The following ARL15 variants were observed in gnomAD, a reference collection of about 807,000 sequenced individuals.
ARL15 encodes ADP-ribosylation factor-like protein 15.
Under a neutral mutation model 25.2 loss-of-function variants are expected in ARL15, and 19 were observed. The ratio of observed to expected loss-of-function variants is 0.75; its 90% CI spans 0.53 to 1.10. ARL15 has a LOEUF of 1.10. ARL15 is among the 50% of genes least tolerant of loss of function. The pLI, the probability that ARL15 is intolerant of heterozygous loss-of-function variation, is 0.00. For synonymous variants in ARL15, 94 were observed against 86.8 expected (o/e 1.08, Z -0.46); for missense variants, 220 against 246.0 (o/e 0.89, Z 0.71).
chr5:54,006,051 C>CAAAAAAAA (rs56094450), intron 4 of ARL15, among the ~76,000 whole-genome samples: 1 of 57,564 alleles, frequency 1.7e-5, no homozygotes, highest in Non-Finnish European at 3.3e-5. Context: ...ATTACATCTC[C>CAAAAAAAA]AAAAAAAAAA....
intron 4 of ARL15, among the ~76,000 whole-genome samples, chr5:53,917,820 G>A (rs897004273): frequency 6.6e-6 from 1 of 151,602 alleles, no homozygotes; most frequent in African/African-American, 2.4e-5. Context: ...GGGGTAAAGG[G>A]GGCCCTTTTG....
chr5:54,038,066 A>G (rs57650556), intron 4 of ARL15, among the ~76,000 whole-genome samples: 15,431 of 152,154 alleles, frequency 0.1, 1,040 homozygotes, highest in African/African-American at 0.19. Flanking sequence ...AACTGTATAT[A>G]ACCTATGTAA....
At chr5:54,216,135 C>T (rs1212422267) in intron 1 of ARL15, among the ~76,000 whole-genome samples, 4 of 152,156 alleles carry the variant, frequency 2.6e-5, no homozygotes, top group East Asian at 1.9e-4. Flanking sequence ...CTTTACTTCT[C>T]GCAAATATTT....
rs182965300 is a variant in ARL15 at position 54,302,560 on chromosome 5, C to T, written c.48+7872G>A. On this transcript the variant is annotated intron_variant, in intron 1 of 4. Coordinates refer to ENST00000504924, the MANE Select transcript of ARL15 (RefSeq NM_019087.3). ...GTGATTAAGACGGTCAGGGAACCAG[C>T]AATGATGCAGGTTACAGACTCAGAT... Among the ~76,000 whole-genome samples the T allele has an allele frequency of 2.0e-5, 3 of 152,086 alleles. No individual in the cohort carries two copies. The East Asian group carries it at 5.8e-4, about 29-fold the overall frequency.
intron 4 of ARL15, among the ~76,000 whole-genome samples, chr5:53,915,707 A>G (rs1745620124): frequency 6.6e-6 from 1 of 152,226 alleles, no homozygotes; most frequent in Admixed American, 6.5e-5. Context: ...AGCGAAAGGA[A>G]GAAATGTAAA....
At chr5:53,956,424 T>C (rs1033406070) in intron 4 of ARL15, among the ~76,000 whole-genome samples, 2 of 149,390 alleles carry the variant, frequency 1.3e-5, no homozygotes, top group African/African-American at 2.4e-5. Context: ...AGAGGAAGTA[T>C]GGTCCATTCA....
chr5:54,124,253 AC>A (rs1249109472), intron 3 of ARL15, among the ~76,000 whole-genome samples: 1 of 152,146 alleles, frequency 6.6e-6, no homozygotes, highest in East Asian at 1.9e-4. Context: ...AGAAGATATC[AC>A]TCCTTTCATG....
chr5:54,060,672 T>C (rs927327892), intron 4 of ARL15, among the ~76,000 whole-genome samples: 6 of 152,312 alleles, frequency 3.9e-5, no homozygotes, highest in Middle Eastern at 3.4e-3. Flanking sequence ...AATAATACAG[T>C]ACATTGGTAC....
At chr5:54,225,298 C>A (rs1331811541) in intron 1 of ARL15, among the ~76,000 whole-genome samples, 1 of 152,092 alleles carries the variant, frequency 6.6e-6, no homozygotes, top group Non-Finnish European at 1.5e-5. Context: ...TGGGGACTAG[C>A]GGAGAGAAGC....
At chr5:53,978,637 G>GAAAAA (rs58627905) in intron 4 of ARL15, among the ~76,000 whole-genome samples, 1 of 125,880 alleles carries the variant, frequency 7.9e-6, no homozygotes, top group Non-Finnish European at 1.7e-5. Context: ...AAAAAAAAAA[G>GAAAAA]AAAAGAAAAG....
intron 1 of ARL15, among the ~76,000 whole-genome samples, chr5:54,274,229 ACTCAAC>A (rs1173295120): frequency 6.6e-6 from 1 of 152,108 alleles, no homozygotes; most frequent in Non-Finnish European, 1.5e-5. Flanking sequence ...GCTGGGTCAG[ACTCAAC>A]CAGAAGGGCC....
chr5:54,163,945 T>C (rs1254402403), intron 2 of ARL15, among the ~76,000 whole-genome samples: 1 of 152,054 alleles, frequency 6.6e-6, no homozygotes, highest in East Asian at 1.9e-4. Context: ...GTTTAATCCA[T>C]TTTTCTTCCA....
intron 4 of ARL15, among the ~76,000 whole-genome samples, chr5:53,993,605 T>G (rs1580150473): frequency 6.6e-6 from 1 of 152,206 alleles, no homozygotes; most frequent in East Asian, 1.9e-4. Flanking sequence ...CATGTTTACC[T>G]CATATTGCTT....
At chr5:53,920,284 A>T (rs186073718) in intron 4 of ARL15, among the ~76,000 whole-genome samples, 112 of 152,288 alleles carry the variant, frequency 7.4e-4, no homozygotes, top group Non-Finnish European at 1.4e-3. Flanking sequence ...AATTGAAGAC[A>T]TGATGATAGG....
intron 1 of ARL15, among the ~76,000 whole-genome samples, chr5:54,216,042 A>G (rs1272985365): frequency 6.6e-6 from 1 of 151,986 alleles, no homozygotes; most frequent in East Asian, 1.9e-4. Flanking sequence ...AACAAAGCCA[A>G]TTTTTTTTGT....
chr5:53,955,826 T>C (rs114977243), intron 4 of ARL15, among the ~76,000 whole-genome samples: 1 of 152,292 alleles, frequency 6.6e-6, no homozygotes, highest in African/African-American at 2.4e-5. Context: ...TTACAAAGAA[T>C]TGTTTTTGTC....
chr5:54,213,342 G>A (rs1756097074), intron 1 of ARL15, among the ~76,000 whole-genome samples: 1 of 152,118 alleles, frequency 6.6e-6, no homozygotes, highest in African/African-American at 2.4e-5. Flanking sequence ...CTAGCTAGAC[G>A]ACTAACTGAG....
chr5:54,145,544 T>A (rs560850506), intron 3 of ARL15, among the ~76,000 whole-genome samples: 1 of 152,182 alleles, frequency 6.6e-6, no homozygotes, highest in South Asian at 2.1e-4. Flanking sequence ...TCTGAGAACT[T>A]CCATAATCAT....
At chr5:54,122,502 C>T (rs988231636) in intron 3 of ARL15, among the ~76,000 whole-genome samples, 3 of 152,252 alleles carry the variant, frequency 2.0e-5, no homozygotes, top group Admixed American at 1.3e-4. Flanking sequence ...ATACAGTATA[C>T]ATACACATAC....
Sources: allele counts gnomAD v4.1 joint callset (sites outside exome capture counted in the v4.1 genomes callset), GRCh38; gene constraint gnomAD v4.1.1; transcripts MANE v1.5; gene names NCBI Gene and HGNC (gene_info 2026-07-23, HGNC 2026-07-21).